Variants in HPS3 observed in about 807,000 individuals in gnomAD.
The protein encoded by HPS3 is BLOC-2 complex member HPS3.
Under a neutral mutation model 110.9 loss-of-function variants are expected in HPS3, and 79 were observed. The observed-to-expected ratio is 0.71, with a 90% CI of 0.59 to 0.86. The LOEUF is 0.86. Ranked by LOEUF, HPS3 falls within the 40% of genes least tolerant of loss-of-function variation. The probability of loss-of-function intolerance (pLI) is 0.00; values close to 1 mark genes in which losing one functional copy is unlikely to be tolerated. For synonymous variants in HPS3, 428 were observed against 451.0 expected (o/e 0.95, Z 0.65); for missense variants, 1,197 against 1,206.2 (o/e 0.99, Z 0.11).
At chr3:149,141,845 T>G (rs1722495620) in intron 4 of HPS3, among the ~76,000 whole-genome samples, 2 of 148,088 alleles carry the variant, frequency 1.4e-5, no homozygotes, top group African/African-American at 5.0e-5. Context: ...TCTATTTTAT[T>G]ATTATTTATT....
intron 8 of HPS3, among the ~76,000 whole-genome samples, chr3:149,156,593 T>A (rs1723472492): frequency 6.6e-6 from 1 of 152,016 alleles, no homozygotes; most frequent in East Asian, 1.9e-4. Context: ...TTTTAATGGT[T>A]AGATTCAGAT....
intron 14 of HPS3, chr3:149,165,987 A>G (rs578262136): frequency 6.1e-5 from 28 of 456,034 alleles, no homozygotes; most frequent in Non-Finnish European, 1.2e-4. Flanking sequence ...TTGGAATAAA[A>G]TAATCACACT....
chr3:149,162,989 GTATCT>G, intron 13 of HPS3, 111 bp downstream of exon 13: 1 of 934,696 alleles, frequency 1.1e-6, no homozygotes, highest in South Asian at 1.4e-5. Context: ...CTATTACCAG[GTATCT>G]TATTTATGCA....
chr3:149,155,124 G>T lies in HPS3; in HGVS notation c.1418G>T (p.Ser473Ile). 1.3e-6 allele frequency: 2 copies of T among 1,599,274 alleles called. No homozygotes were observed. The highest frequency in any genetic ancestry group is 8.6e-7 in the Non-Finnish European group (1 of 1,166,520). Residue 473 changes from serine to isoleucine, a missense_variant, in exon 8 of 17, where the codon AGT becomes ATT. Ser to Ile is a moderately radical substitution (Grantham distance 142). Coordinates refer to ENST00000296051, the MANE Select transcript of HPS3 (RefSeq NM_032383.5). ...PKRLLSRKDT[S>I]VKIKIPPVAE... is the part of the protein sequence containing the mutation. Reference sequence around the variant, plus strand: ...GCTTTTAGTTCGAGAAAAGATACCAGTGTTAAAATCAAAATACCTCCTGTA... The same window carrying T: ...GCTTTTAGTTCGAGAAAAGATACCATTGTTAAAATCAAAATACCTCCTGTA...
chr3:149,161,073 CTT>C (rs1182403076), intron 11 of HPS3, among the ~76,000 whole-genome samples: 1 of 152,172 alleles, frequency 6.6e-6, no homozygotes, highest in Non-Finnish European at 1.5e-5. Flanking sequence ...CACAGTATGA[CTT>C]GGGTTGCTAA....
intron 1 of HPS3, among the ~76,000 whole-genome samples, chr3:149,132,299 C>G (rs1721829046): frequency 6.6e-6 from 1 of 152,204 alleles, no homozygotes; most frequent in South Asian, 2.1e-4. Flanking sequence ...CTTCAAAGAA[C>G]AGGCTGACTC....
At chr3:149,151,197 A>ATT (rs202041297) in intron 6 of HPS3, among the ~76,000 whole-genome samples, 3 of 138,170 alleles carry the variant, frequency 2.2e-5, no homozygotes, top group Non-Finnish European at 3.2e-5. Context: ...TATTATTATT[A>ATT]TTATTATTTT....
At chr3:149,132,255 C>T (rs1027439184) in intron 1 of HPS3, among the ~76,000 whole-genome samples, 4 of 152,206 alleles carry the variant, frequency 2.6e-5, no homozygotes, top group South Asian at 2.1e-4. Context: ...CCATCTAGGA[C>T]TTTCTTGGCT....
At chr3:149,151,792 A>C (rs1159657847) in intron 6 of HPS3, among the ~76,000 whole-genome samples, 1 of 152,172 alleles carries the variant, frequency 6.6e-6, no homozygotes, top group Non-Finnish European at 1.5e-5. Flanking sequence ...TACATGCTGC[A>C]AGAAGCTCCC....
chr3:149,133,331 C>T (rs1721885045), intron 1 of HPS3, among the ~76,000 whole-genome samples: 1 of 151,890 alleles, frequency 6.6e-6, no homozygotes, highest in Non-Finnish European at 1.5e-5. Context: ...CAGAGCTTCA[C>T]TCTTGTTGGC....
intron 1 of HPS3, among the ~76,000 whole-genome samples, chr3:149,137,628 A>G (rs1722195133): frequency 6.6e-6 from 1 of 152,244 alleles, no homozygotes; most frequent in Non-Finnish European, 1.5e-5. Flanking sequence ...AACATACAAT[A>G]GAGTATTATT....
chr3:149,167,789 A>C (rs754939789), intron 15 of HPS3, 104 bp from the exon 16 acceptor site: 3 of 752,264 alleles, frequency 4.0e-6, no homozygotes, highest in Non-Finnish European at 7.3e-6. Context: ...AGACAAAATG[A>C]TGTATTTTTG....
At chr3:149,164,537 A>G (rs1458214498) in intron 14 of HPS3, among the ~76,000 whole-genome samples, 2 of 152,210 alleles carry the variant, frequency 1.3e-5, no homozygotes, top group African/African-American at 4.8e-5. Flanking sequence ...CCACATGAGC[A>G]TATGATTTTA....
At position 149,162,844 on chromosome 3, in the gene HPS3, C is replaced by T. The variant is rs1376371250; in HGVS notation, c.2447C>T (p.Pro816Leu). The T allele has an allele frequency of 4.3e-6, 7 of 1,613,888 alleles. No individual in the cohort carries two copies. In the South Asian group the frequency reaches 5.5e-5, roughly 13 times the overall value. The stretch of plus-strand genomic sequence containing the variant: ...TGGAGATTGTCTAAGAGGCAGCCTC[C>T]TGACACCACACCATTGCGAACATCG... The part of the protein sequence containing the change: ...YIWRLSKRQP[P>L]DTTPLRTSED... Residue 816 changes from proline to leucine, a missense_variant, in exon 13 of 17, where the codon CCT becomes CTT. By Grantham distance (98) the Pro-to-Leu change is moderately conservative. Transcript: ENST00000296051.
intron 5 of HPS3, among the ~76,000 whole-genome samples, chr3:149,146,863 G>A (rs1370163870): frequency 1.3e-5 from 2 of 152,160 alleles, no homozygotes; most frequent in Admixed American, 6.5e-5. Context: ...TCAAGGATTT[G>A]AAAATTAAAC....
chr3:149,152,066 C>A (rs1723164640), intron 6 of HPS3, among the ~76,000 whole-genome samples: 1 of 152,180 alleles, frequency 6.6e-6, no homozygotes, highest in Non-Finnish European at 1.5e-5. Context: ...GCTGACCAGG[C>A]TTACTGCCTG....
intron 15 of HPS3, 90 bp from the exon 16 acceptor site, chr3:149,167,802 CT>C (rs2108186633): frequency 1.2e-6 from 1 of 815,242 alleles, no homozygotes; most frequent in South Asian, 1.4e-5. Context: ...TATTTTTGCT[CT>C]GTGCTTTCCT....
intron 6 of HPS3, among the ~76,000 whole-genome samples, chr3:149,151,618 C>G (rs1417397942): frequency 1.6e-5 from 1 of 64,516 alleles, no homozygotes; most frequent in Non-Finnish European, 2.9e-5. Context: ...AAAAAAAAAG[C>G]CTCTTGACCA....
intron 1 of HPS3, among the ~76,000 whole-genome samples, chr3:149,131,071 C>A (rs768021662): frequency 1.3e-5 from 2 of 151,358 alleles, no homozygotes; most frequent in South Asian, 2.1e-4. Flanking sequence ...ATCCCTACCC[C>A]GCAGCTGGTT....
Sources: allele counts gnomAD v4.1 joint callset (sites outside exome capture counted in the v4.1 genomes callset), GRCh38; gene constraint gnomAD v4.1.1; transcripts MANE v1.5; gene names NCBI Gene and HGNC (gene_info 2026-07-23, HGNC 2026-07-21).